COLGALT2: variants seen among roughly 807,000 people sequenced by gnomAD.
The protein encoded by COLGALT2 is procollagen galactosyltransferase 2.
In COLGALT2, 49 loss-of-function variants were observed where a neutral mutation model predicts 73.4. The observed-to-expected ratio is 0.67, with a 90% confidence interval of 0.53 to 0.85. The LOEUF (loss-of-function observed/expected upper bound fraction) is 0.85. COLGALT2 is among the 40% of genes least tolerant of loss of function. The pLI, the probability that COLGALT2 is intolerant of heterozygous loss-of-function variation, is 0.00. For synonymous variants in COLGALT2, 295 were observed against 307.6 expected, an observed-to-expected ratio of 0.96 and a Z score of 0.43; for missense variants, 722 against 790.2, an observed-to-expected ratio of 0.91 and a Z score of 1.03.
At chr1:183,939,790 G>C (rs1421487012) in intron 11 of COLGALT2, among the ~76,000 whole-genome samples, 1 of 152,120 alleles carries the variant, frequency 6.6e-6, no homozygotes, top group Admixed American at 6.5e-5. Flanking sequence ...CTGAGAGAAG[G>C]GGCCAAGGTT....
chr1:184,030,592 AG>A (rs1170685436), intron 1 of COLGALT2, among the ~76,000 whole-genome samples: 1 of 152,238 alleles, frequency 6.6e-6, no homozygotes, highest in African/African-American at 2.4e-5. Flanking sequence ...AAGAACCAAG[AG>A]ACAACCAGCA....
intron 1 of COLGALT2, among the ~76,000 whole-genome samples, chr1:184,010,484 GGCAA>G (rs1311846695): frequency 6.6e-6 from 1 of 152,260 alleles, no homozygotes. Flanking sequence ...GGCACAGAGG[GGCAA>G]GGAGCTAACT....
At position 183,936,139 on chromosome 1, in the gene COLGALT2, A is replaced by C; in HGVS notation, c.*2622T>G. The C allele has an allele frequency of 1.0e-6, 1 of 985,668 alleles. No individual in the cohort carries two copies. Among genetic ancestry groups the C allele is most frequent in the Non-Finnish European group, 1.2e-6 (1 of 830,106 alleles). The allele number at this position is 985,668 out of a possible 1,614,324, so 61.1% of individuals were successfully genotyped here. On this transcript the variant is annotated 3_prime_UTR_variant, in exon 12 of 12. Transcript: ENST00000361927. ...GAAATCCAGACAGGGTTTAGCCTCC[A>C]GAGGCAGAGAGCGGGTGCCAGGCCC...
At position 184,037,113 on chromosome 1, in the gene COLGALT2, T is replaced by G. The variant is rs755639240; in HGVS notation, c.245A>C (p.Lys82Thr). 3.1e-6 allele frequency: 5 copies of G among 1,593,108 alleles called. No homozygotes were observed. The highest frequency in any genetic ancestry group is 4.7e-5 in the East Asian group (2 of 42,594). ...CGCTCACCAGATGGCCATCCTGCTC[T>G]TGGGGTAGTCCAGCCGCTCCAGGCA... ...LGCLERLDYP[K>T]SRMAIWAATD... is the part of the protein sequence containing the mutation. Residue 82 changes from lysine (K) to threonine (T), a missense_variant, in exon 1 of 12, where the codon AAG becomes ACG. Lys to Thr is a moderately conservative substitution (Grantham distance 78). Transcript: ENST00000361927.
At position 183,978,395 on chromosome 1, in the gene COLGALT2, G is replaced by T. The variant is rs763537116; in HGVS notation, c.374+15C>A. On this transcript the variant is annotated intron_variant, in intron 2 of 11. Transcript: ENST00000361927. The stretch of plus-strand genomic sequence containing the variant: ...GGTAAATAATGAGTTTACAAATTTC[G>T]CACTTGCTACTCACTCTGGTTCATC... 4.1e-6 allele frequency: 6 copies of T among 1,452,556 alleles called. No homozygotes were observed. In the Middle Eastern group the frequency reaches 5.2e-4, roughly 126 times the overall value. 90.0% of individuals were successfully genotyped at this position (1,452,556 alleles called of 1,614,324 possible).
rs1013639291 is a variant in COLGALT2, at chr1:184,037,429, G to T, written c.-72C>A. 233 of 1,267,724 alleles carry T rather than the reference G, an allele frequency of 1.8e-4. No homozygotes were observed. The highest frequency in any genetic ancestry group is 1.5e-3 in the Middle Eastern group (5 of 3,280). The allele number at this position is 1,267,724 out of a possible 1,614,324, so 78.5% of individuals were successfully genotyped here. Reference sequence around the variant, plus strand: ...GGCTGGGCTGCCTGAGGGCGGCGGCGGCTGCCGGGGAGCAAGGGGCTGCGA... The same window carrying T: ...GGCTGGGCTGCCTGAGGGCGGCGGCTGCTGCCGGGGAGCAAGGGGCTGCGA... On this transcript the variant is annotated 5_prime_UTR_variant, in exon 1 of 12. Transcript: ENST00000361927.
intron 4 of COLGALT2, 50 bp from the exon 5 acceptor site, chr1:183,969,523 T>A (rs1670979549): frequency 6.7e-7 from 1 of 1,494,244 alleles, no homozygotes; most frequent in South Asian, 1.3e-5. Flanking sequence ...GAAGTCTTCA[T>A]CCTTCTCAGT....
chr1:184,002,824 A>G (rs1303557499), intron 1 of COLGALT2, among the ~76,000 whole-genome samples: 1 of 152,220 alleles, frequency 6.6e-6, no homozygotes, highest in African/African-American at 2.4e-5. Flanking sequence ...AATATCTACC[A>G]GAATTTAAAA....
chr1:183,960,800 A>G (rs1286724916), intron 6 of COLGALT2, among the ~76,000 whole-genome samples: 1 of 152,032 alleles, frequency 6.6e-6, no homozygotes, highest in Non-Finnish European at 1.5e-5. Flanking sequence ...TTGTTGTGTT[A>G]GTATATTTTA....
intron 6 of COLGALT2, among the ~76,000 whole-genome samples, chr1:183,960,122 T>C (rs1201934880): frequency 6.6e-6 from 1 of 152,212 alleles, no homozygotes; most frequent in Non-Finnish European, 1.5e-5. Context: ...AATAAATCCT[T>C]ACAGCCTGAT....
chr1:183,976,385 T>C (rs1020639513), intron 2 of COLGALT2, among the ~76,000 whole-genome samples: 1 of 148,744 alleles, frequency 6.7e-6, no homozygotes, highest in African/African-American at 2.4e-5. Context: ...CTTTATAATA[T>C]AAATATTTAT....
intron 1 of COLGALT2, among the ~76,000 whole-genome samples, chr1:183,980,505 T>C (rs76872902): frequency 1.3e-5 from 2 of 152,128 alleles, no homozygotes; most frequent in Non-Finnish European, 2.9e-5. Context: ...AAAATGCATG[T>C]TAGCAAAATT....
intron 6 of COLGALT2, among the ~76,000 whole-genome samples, chr1:183,958,565 C>A (rs1253982792): frequency 3.3e-5 from 5 of 152,008 alleles, no homozygotes; most frequent in Non-Finnish European, 7.4e-5. Context: ...TCATGACTGA[C>A]TGGCCTATAT....
intron 1 of COLGALT2, among the ~76,000 whole-genome samples, chr1:183,995,179 G>C (rs1189250555): frequency 6.6e-6 from 1 of 152,106 alleles, no homozygotes; most frequent in Non-Finnish European, 1.5e-5. Flanking sequence ...CTTGTAGCAA[G>C]AAAATTGCAA....
At chr1:183,931,405 A>G (rs546506250), downstream of COLGALT2, among the ~76,000 whole-genome samples, 4 of 152,164 alleles carry the variant, frequency 2.6e-5, no homozygotes, top group Non-Finnish European at 5.9e-5. Flanking sequence ...CCTGAGCATC[A>G]TTTCCATCCC....
rs1233067647 is a variant in COLGALT2, at chr1:183,950,996, AC to A, written c.1136+10del. ...AATCACATCTGCAATGGGAGAAGAAACCCAACTCACTTTCCATCCACAGCCT... is the reference window on the plus strand; with the variant it reads ...AATCACATCTGCAATGGGAGAAGAAACCAACTCACTTTCCATCCACAGCCT... On this transcript the variant is annotated intron_variant, in intron 8 of 11. Coordinates refer to ENST00000361927, the MANE Select transcript of COLGALT2 (RefSeq NM_015101.4). 4.4e-6 allele frequency: 7 copies of A among 1,599,512 alleles called. No homozygotes were observed. Among genetic ancestry groups the A allele is most frequent in the African/African-American group, 2.7e-5 (2 of 74,568 alleles).
chr1:184,006,751 C>T (rs1010872211), intron 1 of COLGALT2, among the ~76,000 whole-genome samples: 3 of 151,994 alleles, frequency 2.0e-5, no homozygotes, highest in African/African-American at 7.3e-5. Flanking sequence ...CTTCACCAAC[C>T]CTGCATAATA....
Position 183,938,830 on chromosome 1 carries a change from A to C in COLGALT2, c.1812T>G (p.Asn604Lys), listed in dbSNP as rs1188513009. The C allele has an allele frequency of 1.9e-6, 3 of 1,614,142 alleles. No individual in the cohort carries two copies. The highest frequency in any genetic ancestry group is 1.3e-5 in the African/African-American group (1 of 75,026). The change falls in exon 12 of 12, where the codon AAT becomes AAG. Residue 604 changes from asparagine to lysine, a missense_variant. Coordinates refer to ENST00000361927, the MANE Select transcript of COLGALT2 (RefSeq NM_015101.4). ...KSRKQSRIYS[N>K]AKNTEALPPP... Reference sequence around the variant, plus strand: ...GTGGCAGGGCCTCTGTGTTCTTGGCATTGCTGTAGATGCGGCTTTGCTTCC... The same window carrying C: ...GTGGCAGGGCCTCTGTGTTCTTGGCCTTGCTGTAGATGCGGCTTTGCTTCC...
rs570604843 is a variant in COLGALT2 at position 184,030,988 on chromosome 1, A to C, written c.263+6107T>G. On this transcript the variant is annotated intron_variant, in intron 1 of 11. Coordinates refer to ENST00000361927, the MANE Select transcript of COLGALT2 (RefSeq NM_015101.4). Reference sequence around the variant, plus strand: ...ACTTAGGCATTCTTACTAATTCTGTAGTTAAGCTGTCATAACTGGAACAAC... The same window carrying C: ...ACTTAGGCATTCTTACTAATTCTGTCGTTAAGCTGTCATAACTGGAACAAC... 4.9e-4 allele frequency among the ~76,000 whole-genome samples: 74 copies of C among 152,358 alleles called. 1 individual carries two copies. Among genetic ancestry groups the C allele is most frequent in the African/African-American group, 1.8e-3 (73 of 41,584 alleles).
Sources: allele counts gnomAD v4.1 joint callset (sites outside exome capture counted in the v4.1 genomes callset), GRCh38; gene constraint gnomAD v4.1.1; transcripts MANE v1.5; gene names NCBI Gene and HGNC (gene_info 2026-07-23, HGNC 2026-07-21).